The following ADGRG2 variants were observed in gnomAD, a reference collection of about 807,000 sequenced individuals.
The protein encoded by ADGRG2 is adhesion G protein-coupled receptor G2, also known as G protein-coupled receptor 64.
ADGRG2 carries 26 observed loss-of-function variants against 74.1 expected under a neutral mutation model. The observed-to-expected ratio is 0.35, with a 90% CI of 0.26 to 0.49. The LOEUF (loss-of-function observed/expected upper bound fraction) is 0.49, where lower values mean the gene tolerates loss of function less well. Ranked by LOEUF, ADGRG2 falls within the 20% of genes least tolerant of loss-of-function variation. ADGRG2 has a pLI of 0.99. For synonymous variants in ADGRG2, 296 were observed against 295.2 expected, an observed-to-expected ratio of 1.00 and a Z score of -0.03; for missense variants, 619 against 763.1, an observed-to-expected ratio of 0.81 and a Z score of 2.22.
At chrX:19,058,013 G>A (rs983504203) in intron 3 of ADGRG2, among the ~76,000 whole-genome samples, 2 of 111,408 alleles carry the variant, frequency 1.8e-5, no homozygotes, top group African/African-American at 6.5e-5. Flanking sequence ...CATCTTTTAG[G>A]GCTTGGAGTT....
chrX:19,058,951 C>T (rs2061444596), intron 3 of ADGRG2, among the ~76,000 whole-genome samples: 1 of 112,422 alleles, frequency 8.9e-6, no homozygotes, highest in Non-Finnish European at 1.9e-5. Flanking sequence ...CCTTAGATCA[C>T]TCTTTATCTT....
intron 18 of ADGRG2, among the ~76,000 whole-genome samples, chrX:19,008,598 G>A (rs2060285521): frequency 1.8e-5 from 2 of 110,358 alleles, no homozygotes; most frequent in African/African-American, 6.6e-5. Context: ...CCCGGGAGGC[G>A]GAGGCTGCAG....
chrX:19,019,615 A>G lies in ADGRG2; in HGVS notation c.694T>C (p.Leu232=), dbSNP rs748414163. The part of the protein sequence containing the change: ...RIPCPSSPEE[L]EKLQCDLQDP... ...GTTACATACCACTGAAGCTTTTCCA[A>G]CTCTTCTGGGGAGGAAGGGCAGGGT... Residue 232 remains leucine (L), a synonymous_variant, in exon 15 of 29, where the codon TTG becomes CTG. Transcript: ENST00000379869. 2.6e-6 allele frequency: 3 copies of G among 1,145,363 alleles called. No homozygotes were observed. The highest frequency in any genetic ancestry group is 6.0e-5 in the East Asian group (2 of 33,498). 94.4% of individuals were successfully genotyped at this position (1,145,363 alleles called of 1,213,427 possible).
intron 26 of ADGRG2, among the ~76,000 whole-genome samples, chrX:18,996,945 C>T (rs1312592391): frequency 8.9e-6 from 1 of 111,782 alleles, no homozygotes; most frequent in Non-Finnish European, 1.9e-5. Context: ...AGGGGCCAGG[C>T]GTGGTGGTGG....
At chrX:19,042,350 G>A (rs1374538966) in intron 3 of ADGRG2, among the ~76,000 whole-genome samples, 2 of 111,270 alleles carry the variant, frequency 1.8e-5, no homozygotes, top group East Asian at 2.8e-4. Flanking sequence ...TGGCAAAGGC[G>A]GGGAGCAGGA....
intron 4 of ADGRG2, among the ~76,000 whole-genome samples, chrX:19,039,541 T>G (rs186492032): frequency 1.4e-3 from 161 of 112,438 alleles, no homozygotes; most frequent in Non-Finnish European, 2.6e-3. Flanking sequence ...AGAAGCCATG[T>G]GCTGCCTCTG....
intron 1 of ADGRG2, among the ~76,000 whole-genome samples, chrX:19,112,262 C>T (rs747233796): frequency 5.5e-5 from 6 of 110,033 alleles, no homozygotes; most frequent in Non-Finnish European, 9.5e-5. Context: ...TTTGTAGAGA[C>T]GGGGTCTTAC....
intron 1 of ADGRG2, among the ~76,000 whole-genome samples, chrX:19,089,422 TA>T: frequency 8.9e-6 from 1 of 111,805 alleles, no homozygotes; most frequent in Non-Finnish European, 1.9e-5. Flanking sequence ...TGCACATGTA[TA>T]CTTGAACTTA....
intron 26 of ADGRG2, among the ~76,000 whole-genome samples, chrX:18,998,598 T>C (rs1246207315): frequency 1.9e-5 from 2 of 103,763 alleles, no homozygotes; most frequent in Non-Finnish European, 3.9e-5. Flanking sequence ...TCACAGATAG[T>C]ACTTTTTTTT....
At chrX:19,010,309 C>T (rs373550123) in intron 17 of ADGRG2, among the ~76,000 whole-genome samples, 2 of 109,642 alleles carry the variant, frequency 1.8e-5, no homozygotes, top group South Asian at 3.9e-4. Flanking sequence ...TTAGTAGAGA[C>T]GGGGTTTCAC....
rs1281848080 is a variant in ADGRG2, at chrX:19,007,174, C to A, written c.1689+61G>T. 4.3e-6 allele frequency: 5 copies of A among 1,159,865 alleles called. No homozygotes were observed. The South Asian group carries it at 9.1e-5, about 21-fold the overall frequency. ...TCTGCCTTTTGCCGGCCATGCCTTA[C>A]AAGCATAGTTTGTACAAGGTGTTCC... On this transcript the variant is annotated intron_variant, in intron 20 of 28. Transcript: ENST00000379869.
At position 19,010,732 on chromosome X, in the gene ADGRG2, C is replaced by T. The variant is rs771519529; in HGVS notation, c.1146G>A (p.Leu382=). Residue 382 remains leucine (L), a synonymous_variant, in exon 17 of 29, where the codon TTG becomes TTA. Coordinates refer to ENST00000379869, the MANE Select transcript of ADGRG2 (RefSeq NM_001079858.3). ...SSISDLENQV[L]QMEKALSLGS... The stretch of plus-strand genomic sequence containing the variant: ...CCAAGGACAGAGCCTTCTCCATCTG[C>T]AACACTTGGTTCTCAAGATCAGAAA... 1 of 1,204,388 alleles carries T rather than the reference C, an allele frequency of 8.3e-7. No individual in the cohort carries two copies. Among genetic ancestry groups the T allele is most frequent in the Admixed American group, 2.2e-5 (1 of 45,543 alleles).
chrX:19,097,006 C>G (rs1358809890), intron 1 of ADGRG2, among the ~76,000 whole-genome samples: 1 of 112,502 alleles, frequency 8.9e-6, no homozygotes, highest in African/African-American at 3.2e-5. Flanking sequence ...ACTTCATGTG[C>G]TTTTCTAGAA....
chrX:18,997,955 G>A (rs932307808), intron 26 of ADGRG2, among the ~76,000 whole-genome samples: 30 of 112,845 alleles, frequency 2.7e-4, no homozygotes, highest in African/African-American at 9.7e-4. Context: ...GGCTTTTAAT[G>A]CCAAAGCACT....
At chrX:19,060,792 C>T (rs928571003) in intron 3 of ADGRG2, among the ~76,000 whole-genome samples, 3 of 111,155 alleles carry the variant, frequency 2.7e-5, no homozygotes, top group Non-Finnish European at 5.7e-5. Flanking sequence ...AAATGATCCA[C>T]GTGGCTCGGC....
intron 1 of ADGRG2, among the ~76,000 whole-genome samples, chrX:19,094,896 G>A (rs931042658): frequency 5.3e-5 from 6 of 112,330 alleles, no homozygotes; most frequent in Non-Finnish European, 1.9e-5. Context: ...CCACCAGAGC[G>A]GGGCCGTCCA....
chrX:19,053,362 G>A (rs2061357015), intron 3 of ADGRG2, among the ~76,000 whole-genome samples: 1 of 110,537 alleles, frequency 9.0e-6, no homozygotes, highest in African/African-American at 3.3e-5. Context: ...GGGCGGAGGG[G>A]GGGTCACTGG....
intron 9 of ADGRG2, among the ~76,000 whole-genome samples, chrX:19,030,038 T>C (rs1007025797): frequency 7.1e-5 from 8 of 112,391 alleles, no homozygotes; most frequent in African/African-American, 2.6e-4. Context: ...AAACATTCTT[T>C]CAATAGGACA....
At chrX:18,992,988 C>T (rs1047326742) in intron 28 of ADGRG2, among the ~76,000 whole-genome samples, 1 of 112,483 alleles carries the variant, frequency 8.9e-6, no homozygotes, top group East Asian at 2.8e-4. Context: ...CTCACACTAA[C>T]GTACTAACCA....
Sources: allele counts gnomAD v4.1 joint callset (sites outside exome capture counted in the v4.1 genomes callset), GRCh38; gene constraint gnomAD v4.1.1; transcripts MANE v1.5; gene names NCBI Gene and HGNC (gene_info 2026-07-23, HGNC 2026-07-21).